ZNF547: variants seen among roughly 807,000 people sequenced by gnomAD.
ZNF547 encodes zinc finger protein 547.
In ZNF547, 4 loss-of-function variants were observed where a neutral mutation model predicts 7.7. The ratio of observed to expected loss-of-function variants is 0.52; its 90% CI spans 0.26 to 1.20. ZNF547 has a LOEUF of 1.20. Ranked by LOEUF, ZNF547 falls within the 50% of genes most tolerant of loss-of-function variation. The pLI is 0.14. For synonymous variants in ZNF547, 166 were observed against 166.2 expected (o/e 1.00, Z 0.01); for missense variants, 449 against 485.8 (o/e 0.92, Z 0.71).
At chr19:57,374,569 C>T (rs535696533) in intron 3 of ZNF547, among the ~76,000 whole-genome samples, 9 of 152,360 alleles carry the variant, frequency 5.9e-5, no homozygotes, top group East Asian at 3.9e-4. Context: ...CCCCAGAAAA[C>T]GGGTTTTTCT....
intron 3 of ZNF547, among the ~76,000 whole-genome samples, chr19:57,373,028 C>G (rs561525014): frequency 1.3e-5 from 2 of 152,356 alleles, no homozygotes; most frequent in South Asian, 4.1e-4. Flanking sequence ...AGCAGGCCTT[C>G]TTCTCATTGG....
chr19:57,367,916 C>T (rs2088480795), intron 1 of ZNF547, among the ~76,000 whole-genome samples: 1 of 152,192 alleles, frequency 6.6e-6, no homozygotes, highest in South Asian at 2.1e-4. Flanking sequence ...AACAGGCAGG[C>T]CTGGTTGCAG....
intron 2 of ZNF547, among the ~76,000 whole-genome samples, chr19:57,370,613 A>G (rs1279543584): frequency 6.6e-6 from 1 of 152,150 alleles, no homozygotes; most frequent in Non-Finnish European, 1.5e-5. Flanking sequence ...GGAGGGCCTC[A>G]GGCCCTGGCC....
rs2088545834 is a variant in ZNF547, at chr19:57,377,654, C to T, written c.678C>T (p.His226=). 6.2e-7 allele frequency: 1 copy of T among 1,613,146 alleles called. No individual in the cohort carries two copies. Among genetic ancestry groups the T allele is most frequent in the South Asian group, 1.1e-5 (1 of 91,040 alleles). Residue 226 remains histidine (H), a synonymous_variant, in exon 4 of 4, where the codon CAC becomes CAT. Coordinates refer to ENST00000282282, the MANE Select transcript of ZNF547 (RefSeq NM_173631.4). ...ECGKAFLCKS[H]LVRHQTIHSG... ...GGAAAGCCTTTCTTTGTAAGTCTCA[C>T]CTTGTTCGTCACCAGACAATCCACT... is the stretch of plus-strand genomic sequence containing the variant.
chr19:57,365,457 G>A (rs2088460420), intron 1 of ZNF547: 2 of 516,046 alleles, frequency 3.9e-6, no homozygotes, highest in Non-Finnish European at 6.8e-6. Context: ...GTATTTCCTT[G>A]TGAACAATGT....
chr19:57,370,308 C>G (rs8113637), intron 2 of ZNF547, among the ~76,000 whole-genome samples: 136,216 of 152,110 alleles, frequency 0.9, 61,193 homozygotes, highest in Middle Eastern at 0.96. Flanking sequence ...GGTTTGGGCA[C>G]CTGACAGTGA....
At chr19:57,375,164 A>G (rs2088528401) in intron 3 of ZNF547, among the ~76,000 whole-genome samples, 1 of 152,172 alleles carries the variant, frequency 6.6e-6, no homozygotes, top group Admixed American at 6.5e-5. Flanking sequence ...AGCCTGGCCA[A>G]TATGGTGAAA....
chr19:57,367,133 T>C (rs562126300), intron 1 of ZNF547, among the ~76,000 whole-genome samples: 1 of 152,320 alleles, frequency 6.6e-6, no homozygotes, highest in South Asian at 2.1e-4. Flanking sequence ...TTTAGGGTTG[T>C]TGTCAAAGAA....
intron 3 of ZNF547, among the ~76,000 whole-genome samples, chr19:57,376,794 G>A (rs565355680): frequency 6.6e-6 from 1 of 152,036 alleles, no homozygotes; most frequent in African/African-American, 2.4e-5. Flanking sequence ...AACGAGTCCT[G>A]TTAAGAATTC....
chr19:57,375,838 T>G (rs1401390939), intron 3 of ZNF547, among the ~76,000 whole-genome samples: 1 of 151,656 alleles, frequency 6.6e-6, no homozygotes, highest in Non-Finnish European at 1.5e-5. Flanking sequence ...ATGGAGTGAG[T>G]GCAAGCAGGG....
In ZNF547 at chr19:57,367,064, C is replaced by T. The variant is rs957007494; in HGVS notation, c.-12-1480C>T. Among the ~76,000 whole-genome samples the T allele has an allele frequency of 3.5e-4, 54 of 152,152 alleles. 1 individual carries two copies. Among genetic ancestry groups the T allele is most frequent in the Admixed American group, 3.0e-3 (46 of 15,266 alleles). ...TCTGTCACTTTATATTCTTATATTTCCTTTCCCTCAGACAATCAACTGTTG... is the reference window on the plus strand; with the variant it reads ...TCTGTCACTTTATATTCTTATATTTTCTTTCCCTCAGACAATCAACTGTTG... On this transcript the variant is annotated intron_variant, in intron 1 of 3. Coordinates refer to ENST00000282282, the MANE Select transcript of ZNF547 (RefSeq NM_173631.4).
chr19:57,378,353 T>C lies in ZNF547; in HGVS notation c.*168T>C. 3 of 737,404 alleles carry C rather than the reference T, an allele frequency of 4.1e-6. No homozygotes were observed. The highest frequency in any genetic ancestry group is 7.1e-6 in the Non-Finnish European group (3 of 422,208). 45.7% of individuals were successfully genotyped at this position (737,404 alleles called of 1,614,324 possible). ...TCAGAGAATTCACACTGCAGAAATG[T>C]GTGTTCAGCAAACTCGGGACATTAT... is the stretch of plus-strand genomic sequence containing the variant. On this transcript the variant is annotated 3_prime_UTR_variant, in exon 4 of 4. Transcript: ENST00000282282.
chr19:57,369,231 A>G (rs980863238), intron 2 of ZNF547, among the ~76,000 whole-genome samples: 3 of 151,984 alleles, frequency 2.0e-5, no homozygotes, highest in African/African-American at 4.8e-5. Context: ...TGGCTTCAGG[A>G]TGTGTTTTGA....
chr19:57,369,784 A>G (rs1469015093), intron 2 of ZNF547, among the ~76,000 whole-genome samples: 1 of 151,852 alleles, frequency 6.6e-6, no homozygotes, highest in Admixed American at 6.6e-5. Context: ...GTTGCTAAGC[A>G]TCAGTTGGAA....
At chr19:57,364,849 T>G (rs995566188) in intron 1 of ZNF547, 5 of 1,608,630 alleles carry the variant, frequency 3.1e-6, no homozygotes, top group Admixed American at 3.4e-5. Flanking sequence ...TGGAAGCTTC[T>G]ACTTTGTAAT....
intron 2 of ZNF547, 86 bp from the exon 3 acceptor site, chr19:57,371,696 G>T: frequency 6.6e-7 from 1 of 1,520,012 alleles, no homozygotes; most frequent in Non-Finnish European, 8.8e-7. Context: ...TTAATGGGTG[G>T]TAAATATAAG....
Position 57,377,775 on chromosome 19 carries a change from C to T in ZNF547, c.799C>T (p.Pro267Ser). Residue 267 changes from proline (P) to serine (S), a missense_variant, in exon 4 of 4, where the codon CCT (proline) becomes TCT (serine). By Grantham distance (74) the Pro-to-Ser change is moderately conservative. Transcript: ENST00000282282. ...TCAGAGGGTTCACACTGGAAAGAGG[C>T]CTTATGGTTGCAGTGAATGTGGGAA... ...THQRVHTGKR[P>S]YGCSECGKFF... 1 of 1,614,018 alleles carries T rather than the reference C, an allele frequency of 6.2e-7. No individual in the cohort carries two copies. Among genetic ancestry groups the T allele is most frequent in the South Asian group, 1.1e-5 (1 of 91,070 alleles).
intron 3 of ZNF547, among the ~76,000 whole-genome samples, chr19:57,374,950 C>T (rs186459319): frequency 2.6e-3 from 401 of 152,296 alleles, no homozygotes; most frequent in Non-Finnish European, 1.6e-3. Context: ...CAGCCTCTGC[C>T]TGTTACCCAG....
At chr19:57,371,023 T>G (rs1395151520) in intron 2 of ZNF547, 1 of 152,196 alleles carries the variant, frequency 6.6e-6, no homozygotes, top group African/African-American at 2.4e-5. Flanking sequence ...GGCATGATCT[T>G]GGCTCACTGC....
Sources: allele counts gnomAD v4.1 joint callset (sites outside exome capture counted in the v4.1 genomes callset), GRCh38; gene constraint gnomAD v4.1.1; transcripts MANE v1.5; gene names NCBI Gene and HGNC (gene_info 2026-07-23, HGNC 2026-07-21).